The following FAM114A1 variants were observed in gnomAD, a reference collection of about 807,000 sequenced individuals.
FAM114A1 encodes family with sequence similarity 114 member A1.
FAM114A1 carries 62 observed loss-of-function variants against 64.3 expected under a neutral mutation model. The ratio of observed to expected loss-of-function variants is 0.96; its 90% CI spans 0.79 to 1.19. The LOEUF (loss-of-function observed/expected upper bound fraction) is 1.19. Ranked by LOEUF, FAM114A1 falls within the 50% of genes most tolerant of loss-of-function variation. FAM114A1 has a pLI of 0.00. For missense variants in FAM114A1, 645 were observed against 676.3 expected (o/e 0.95, Z 0.51); for synonymous variants, 254 against 251.1 (o/e 1.01, Z -0.11).
At chr4:38,913,321 T>C (rs949174024) in intron 7 of FAM114A1, among the ~76,000 whole-genome samples, 4 of 152,168 alleles carry the variant, frequency 2.6e-5, no homozygotes, top group African/African-American at 9.7e-5. Context: ...TGGAGAAAAG[T>C]TATTAATGGG....
intron 2 of FAM114A1, among the ~76,000 whole-genome samples, chr4:38,871,972 T>A (rs1413160077): frequency 6.6e-6 from 1 of 152,210 alleles, no homozygotes; most frequent in Non-Finnish European, 1.5e-5. Context: ...AAAGGGTAAG[T>A]CAGCTGCTGG....
At chr4:38,903,034 TTTGTAAAGCTGAAC>T (rs1222816758) in intron 4 of FAM114A1, among the ~76,000 whole-genome samples, 2 of 152,162 alleles carry the variant, frequency 1.3e-5, no homozygotes, top group Non-Finnish European at 2.9e-5. Context: ...TTTCTTTTTT[TTTGTAAAGCTGAAC>T]TTTATATTTC....
chr4:38,882,170 G>A (rs905642046), intron 3 of FAM114A1, among the ~76,000 whole-genome samples: 13 of 146,814 alleles, frequency 8.9e-5, no homozygotes, highest in Non-Finnish European at 1.5e-4. Context: ...AAATTAGCCG[G>A]GCGCGGTGGT....
intron 4 of FAM114A1, among the ~76,000 whole-genome samples, chr4:38,892,975 T>C (rs1252914578): frequency 2.0e-5 from 3 of 152,270 alleles, no homozygotes; most frequent in African/African-American, 7.2e-5. Context: ...GAAGTAGCAA[T>C]GGCCAAATAA....
At position 38,914,986 on chromosome 4, in the gene FAM114A1, C is replaced by A. The variant is rs768649787; in HGVS notation, c.858C>A (p.Thr286=). The part of the protein sequence containing the change: ...RLAQQLTMER[T]AHYGMLFDEY... Reference sequence around the variant, plus strand: ...CACAGCAGCTCACGATGGAGAGAACCGCGCACTACGGGATGCTGTTTGATG... The same window carrying A: ...CACAGCAGCTCACGATGGAGAGAACAGCGCACTACGGGATGCTGTTTGATG... Residue 286 remains threonine, a synonymous_variant, in exon 8 of 15, where the codon ACC becomes ACA. Coordinates refer to ENST00000358869, the MANE Select transcript of FAM114A1 (RefSeq NM_138389.4). The A allele has an allele frequency of 2.4e-5, 38 of 1,614,000 alleles. No individual in the cohort carries two copies. Among genetic ancestry groups the A allele is most frequent in the Non-Finnish European group, 3.2e-5 (38 of 1,180,022 alleles).
rs755954937 is a variant in FAM114A1, at chr4:38,932,343, C to A, written c.1432C>A (p.Pro478Thr). 5.0e-6 allele frequency: 8 copies of A among 1,612,130 alleles called. No homozygotes were observed. The highest frequency in any genetic ancestry group is 6.8e-6 in the Non-Finnish European group (8 of 1,179,590). ...TCTTCATGGACAAGAAGAGGAAAAA[C>A]CAGCTCAGGACCAAGCAAAAGTTCT... ...LILHGQEEEK[P>T]AQDQAKVLIK... Residue 478 changes from proline to threonine, a missense_variant, in exon 12 of 15, where the codon CCA becomes ACA. Transcript: ENST00000358869.
chr4:38,941,726 T>C (rs900383467), intron 14 of FAM114A1, among the ~76,000 whole-genome samples: 1 of 152,182 alleles, frequency 6.6e-6, no homozygotes, highest in Non-Finnish European at 1.5e-5. Flanking sequence ...GGCTAAACTA[T>C]AAGTAACAGC....
At chr4:38,885,919 T>C (rs28404568) in intron 3 of FAM114A1, among the ~76,000 whole-genome samples, 2,571 of 151,992 alleles carry the variant, frequency 0.017, 68 homozygotes, top group African/African-American at 0.059. Flanking sequence ...TACTAAAAGA[T>C]GGTAAAAAGG....
At chr4:38,914,820 C>A in intron 7 of FAM114A1, 101 bp from the exon 8 acceptor site, 1 of 1,338,752 alleles carries the variant, frequency 7.5e-7, no homozygotes, top group Non-Finnish European at 1.0e-6. Context: ...ATCTCCCCCT[C>A]TCCAACACAA....
chr4:38,880,107 GTAGAATAGAA>G (rs573937537), intron 3 of FAM114A1, among the ~76,000 whole-genome samples: 6,423 of 127,208 alleles, frequency 0.05, 264 homozygotes, highest in South Asian at 0.13. Context: ...ATAAAATAGA[GTAGAATAGAA>G]TAGAATAGAA....
intron 13 of FAM114A1, among the ~76,000 whole-genome samples, chr4:38,940,062 T>G (rs545305815): frequency 6.6e-6 from 1 of 152,122 alleles, no homozygotes; most frequent in African/African-American, 2.4e-5. Context: ...CTAATTTTTT[T>G]GTATTTTTAG....
intron 13 of FAM114A1, among the ~76,000 whole-genome samples, chr4:38,940,592 T>C (rs1468816721): frequency 1.3e-5 from 2 of 152,188 alleles, no homozygotes; most frequent in African/African-American, 4.8e-5. Context: ...GCATCCACTC[T>C]GCCTACACAA....
intron 12 of FAM114A1, among the ~76,000 whole-genome samples, chr4:38,935,507 G>A (rs1273453968): frequency 6.6e-6 from 1 of 152,188 alleles, no homozygotes; most frequent in Non-Finnish European, 1.5e-5. Context: ...ATTAAGCATG[G>A]AAAGAAAACC....
At chr4:38,921,455 C>T (rs1719582413) in intron 8 of FAM114A1, among the ~76,000 whole-genome samples, 1 of 151,582 alleles carries the variant, frequency 6.6e-6, no homozygotes, top group African/African-American at 2.4e-5. Flanking sequence ...GAGATGGGGT[C>T]TCACTATGTT....
chr4:38,897,966 A>T (rs1176717392), intron 4 of FAM114A1, among the ~76,000 whole-genome samples: 1 of 152,126 alleles, frequency 6.6e-6, no homozygotes, highest in East Asian at 1.9e-4. Context: ...AAAGAAAGAA[A>T]AAAGAAAAGA....
chr4:38,935,946 A>G (rs1721047303), intron 13 of FAM114A1, among the ~76,000 whole-genome samples, 156 bp downstream of exon 13: 1 of 152,214 alleles, frequency 6.6e-6, no homozygotes, highest in Non-Finnish European at 1.5e-5. Flanking sequence ...CTCTAAGGAC[A>G]GGCAGCTTAG....
intron 8 of FAM114A1, among the ~76,000 whole-genome samples, chr4:38,915,351 T>A (rs576336969): frequency 5.3e-5 from 8 of 152,254 alleles, no homozygotes; most frequent in African/African-American, 1.7e-4. Flanking sequence ...TGCTCAGAAA[T>A]GTGGCTGTCC....
intron 8 of FAM114A1, 120 bp from the exon 9 acceptor site, chr4:38,922,650 C>A: frequency 1.5e-6 from 2 of 1,300,110 alleles, no homozygotes; most frequent in Non-Finnish European, 2.1e-6. Flanking sequence ...AACATTCAAC[C>A]CAGCGATACC....
intron 2 of FAM114A1, among the ~76,000 whole-genome samples, chr4:38,876,988 A>T (rs1361237373): frequency 6.6e-6 from 1 of 152,176 alleles, no homozygotes; most frequent in Non-Finnish European, 1.5e-5. Context: ...AACTCAGATG[A>T]TCTAAAATAA....
Sources: gnomAD v4.1 joint callset for allele counts (sites outside exome capture counted in the v4.1 genomes callset) on GRCh38, gnomAD v4.1.1 for gene constraint, MANE v1.5 for transcripts, NCBI Gene and HGNC (gene_info 2026-07-23, HGNC 2026-07-21) for gene names.